CNTN5: variants seen among roughly 807,000 people sequenced by gnomAD.
CNTN5 encodes contactin-5.
In CNTN5, 77 loss-of-function variants were observed where a neutral mutation model predicts 129.1. That is an observed-to-expected ratio of 0.60 (90% confidence interval 0.50 to 0.72). The LOEUF (loss-of-function observed/expected upper bound fraction) is 0.72, where lower values mean the gene tolerates loss of function less well. CNTN5 is among the 30% of genes least tolerant of loss of function. CNTN5 has a pLI of 0.00. For synonymous variants in CNTN5, 509 were observed against 465.6 expected (o/e 1.09, Z -1.20); for missense variants, 1,478 against 1,328.8 (o/e 1.11, Z -1.75).
At chr11:99,659,040 G>T (rs2135909995) in intron 3 of CNTN5, among the ~76,000 whole-genome samples, 1 of 152,150 alleles carries the variant, frequency 6.6e-6, no homozygotes, top group East Asian at 1.9e-4. Flanking sequence ...TGCCACAGTT[G>T]ATTTACTTGG....
chr11:99,668,310 T>C (rs1449344890), intron 3 of CNTN5, among the ~76,000 whole-genome samples: 1 of 152,130 alleles, frequency 6.6e-6, no homozygotes, highest in Non-Finnish European at 1.5e-5. Context: ...AGAGGGCTAA[T>C]TGATCACTTA....
intron 13 of CNTN5, among the ~76,000 whole-genome samples, chr11:100,158,729 A>T (rs1429095464): frequency 6.6e-6 from 1 of 151,876 alleles, no homozygotes; most frequent in Admixed American, 6.6e-5. Context: ...GCAACCATAC[A>T]TGCTGGAAGG....
At chr11:99,235,990 G>A (rs184087932) in intron 1 of CNTN5, among the ~76,000 whole-genome samples, 5 of 152,274 alleles carry the variant, frequency 3.3e-5, no homozygotes, top group Admixed American at 3.3e-4. Flanking sequence ...ATAAAAAATT[G>A]AAACTACTGA....
chr11:99,727,751 G>C (rs1943401138), intron 3 of CNTN5, among the ~76,000 whole-genome samples: 1 of 151,994 alleles, frequency 6.6e-6, no homozygotes, highest in Admixed American at 6.6e-5. Flanking sequence ...ACATACATAA[G>C]TTAATATAAA....
intron 1 of CNTN5, among the ~76,000 whole-genome samples, chr11:99,098,809 C>T (rs1866592085): frequency 6.6e-6 from 1 of 152,040 alleles, no homozygotes; most frequent in East Asian, 1.9e-4. Context: ...TAAAAGGTTT[C>T]CACAAGAGAT....
chr11:100,234,647 G>A (rs1949569343), intron 16 of CNTN5, among the ~76,000 whole-genome samples: 1 of 151,818 alleles, frequency 6.6e-6, no homozygotes, highest in Non-Finnish European at 1.5e-5. Flanking sequence ...CTGCCAGCAG[G>A]GTGGGGGTGG....
At chr11:99,577,943 G>C (rs1260327246) in intron 3 of CNTN5, among the ~76,000 whole-genome samples, 2 of 150,588 alleles carry the variant, frequency 1.3e-5, no homozygotes, top group Admixed American at 6.6e-5. Context: ...TCGTCGTTTA[G>C]CATTAGGTAT....
chr11:99,635,946 T>C (rs561838777), intron 3 of CNTN5, among the ~76,000 whole-genome samples: 1 of 152,264 alleles, frequency 6.6e-6, no homozygotes, highest in East Asian at 1.9e-4. Context: ...CTTTGACTAT[T>C]TGCAATGGAA....
At chr11:99,598,551 T>A (rs1950217346) in intron 3 of CNTN5, among the ~76,000 whole-genome samples, 1 of 151,514 alleles carries the variant, frequency 6.6e-6, no homozygotes, top group East Asian at 1.9e-4. Context: ...CTCCTTAATA[T>A]CTTAAGGGAG....
At chr11:100,320,059 T>C (rs138192729) in intron 21 of CNTN5, among the ~76,000 whole-genome samples, 11 of 152,326 alleles carry the variant, frequency 7.2e-5, no homozygotes, top group African/African-American at 2.6e-4. Flanking sequence ...TTTCATTTTA[T>C]TCGAATATAT....
rs1591160195 is a variant in CNTN5 at position 100,061,532 on chromosome 11, A to T, written c.1162+139A>T. 4.9e-6 allele frequency: 3 copies of T among 609,490 alleles called. No homozygotes were observed. In the East Asian group the frequency reaches 8.3e-5, roughly 17 times the overall value. 37.8% of individuals were successfully genotyped at this position (609,490 alleles called of 1,614,324 possible). The stretch of plus-strand genomic sequence containing the variant: ...ATAATCATACTTCATTCGTATGGTA[A>T]GGCATCATGTCAAATTACCCTATAC... On this transcript the variant is annotated intron_variant, in intron 10 of 24. Coordinates refer to ENST00000524871, the MANE Select transcript of CNTN5 (RefSeq NM_014361.4).
intron 9 of CNTN5, among the ~76,000 whole-genome samples, chr11:100,030,795 A>C (rs1369108724): frequency 6.6e-6 from 1 of 152,200 alleles, no homozygotes; most frequent in Non-Finnish European, 1.5e-5. Context: ...AAATTAAATG[A>C]TATATCAGAT....
chr11:100,236,528 G>A (rs1160238948), intron 16 of CNTN5, among the ~76,000 whole-genome samples: 2 of 152,154 alleles, frequency 1.3e-5, no homozygotes, highest in African/African-American at 4.8e-5. Context: ...TACTATTGGG[G>A]CATTCCTGCT....
At chr11:99,088,417 C>T (rs1468338889) in intron 1 of CNTN5, among the ~76,000 whole-genome samples, 1 of 152,102 alleles carries the variant, frequency 6.6e-6, no homozygotes, top group Non-Finnish European at 1.5e-5. Flanking sequence ...AGGCCGTGAT[C>T]TTTAAGACCA....
At chr11:99,966,051 C>A (rs1951085224) in intron 8 of CNTN5, among the ~76,000 whole-genome samples, 1 of 152,024 alleles carries the variant, frequency 6.6e-6, no homozygotes, top group Admixed American at 6.6e-5. Context: ...AATGTTTCTG[C>A]AAATGTGGCA....
chr11:99,676,382 G>T (rs1025751427), intron 3 of CNTN5, among the ~76,000 whole-genome samples: 2 of 152,164 alleles, frequency 1.3e-5, no homozygotes, highest in Admixed American at 1.3e-4. Context: ...AAGCCACCTG[G>T]TGATAAAAAG....
intron 1 of CNTN5, among the ~76,000 whole-genome samples, chr11:99,225,303 G>A (rs1431824091): frequency 1.3e-5 from 2 of 152,104 alleles, no homozygotes; most frequent in Non-Finnish European, 2.9e-5. Flanking sequence ...ATAGGCCTGC[G>A]AGAGAAGAGT....
At chr11:99,058,917 T>C (rs1466776127) in intron 1 of CNTN5, among the ~76,000 whole-genome samples, 1 of 149,316 alleles carries the variant, frequency 6.7e-6, no homozygotes, top group Non-Finnish European at 1.5e-5. Context: ...TGGGCAGTTA[T>C]ATATATTATA....
chr11:99,942,441 T>G (rs964390771), intron 7 of CNTN5, among the ~76,000 whole-genome samples: 2 of 152,074 alleles, frequency 1.3e-5, no homozygotes, highest in African/African-American at 2.4e-5. Flanking sequence ...AAATTGGCAG[T>G]GTTGTAAGCA....
Sources: gnomAD v4.1 joint callset for allele counts (sites outside exome capture counted in the v4.1 genomes callset) on GRCh38, gnomAD v4.1.1 for gene constraint, MANE v1.5 for transcripts, NCBI Gene and HGNC (gene_info 2026-07-23, HGNC 2026-07-21) for gene names.